CSMD1: variants seen among roughly 807,000 people sequenced by gnomAD.
The protein encoded by CSMD1 is CUB and sushi domain-containing protein 1.
In CSMD1, 213 loss-of-function variants were observed where a neutral mutation model predicts 417.5. The observed-to-expected ratio is 0.51, with a 90% confidence interval of 0.46 to 0.57. The LOEUF is 0.57. Among genes scored for constraint, CSMD1 ranks in the 20% least tolerant of loss-of-function variants. The pLI is 0.00. For missense variants in CSMD1, 6,923 were observed against 4,529.7 expected (o/e 1.53, Z -15.17); for synonymous variants, 2,862 against 1,736.8 (o/e 1.65, Z -16.11).
intron 1 of CSMD1, among the ~76,000 whole-genome samples, chr8:4,990,771 G>A (rs535986980): frequency 1.3e-5 from 2 of 152,086 alleles, no homozygotes; most frequent in African/African-American, 4.8e-5. Context: ...TGCCATAAAG[G>A]AGTCTGACCT....
chr8:4,542,009 T>C (rs1329421082), intron 2 of CSMD1, among the ~76,000 whole-genome samples: 1 of 152,174 alleles, frequency 6.6e-6, no homozygotes, highest in Non-Finnish European at 1.5e-5. Flanking sequence ...AGCCACACTC[T>C]GTTGCCAATT....
At chr8:3,866,564 G>A (rs1449400760) in intron 5 of CSMD1, among the ~76,000 whole-genome samples, 2 of 151,950 alleles carry the variant, frequency 1.3e-5, no homozygotes, top group African/African-American at 4.8e-5. Context: ...TTTTAGTTCT[G>A]GTGATGACAC....
chr8:4,680,418 T>G (rs1229156692), intron 1 of CSMD1, among the ~76,000 whole-genome samples: 1 of 152,180 alleles, frequency 6.6e-6, no homozygotes, highest in African/African-American at 2.4e-5. Flanking sequence ...TCCTTCACCC[T>G]TTGAAACTAC....
chr8:4,199,924 C>A (rs1484552270), intron 3 of CSMD1, among the ~76,000 whole-genome samples: 1 of 152,018 alleles, frequency 6.6e-6, no homozygotes, highest in East Asian at 1.9e-4. Flanking sequence ...TGGTGAAGTA[C>A]GGTTACAAGG....
chr8:4,313,597 G>T (rs550945069), intron 3 of CSMD1, among the ~76,000 whole-genome samples: 1 of 151,750 alleles, frequency 6.6e-6, no homozygotes, highest in African/African-American at 2.4e-5. Context: ...AACTGTCAAT[G>T]TGGACTGTCT....
At chr8:4,050,227 C>T (rs968965738) in intron 3 of CSMD1, among the ~76,000 whole-genome samples, 7 of 152,068 alleles carry the variant, frequency 4.6e-5, no homozygotes, top group African/African-American at 1.7e-4. Context: ...TTGTCAGTTT[C>T]TCCACTATAA....
intron 17 of CSMD1, among the ~76,000 whole-genome samples, chr8:3,393,838 G>A (rs1811498939): frequency 6.6e-6 from 1 of 151,336 alleles, no homozygotes; most frequent in South Asian, 2.1e-4. Context: ...GGGGCCTGTT[G>A]TGGGGTGTGG....
intron 5 of CSMD1, among the ~76,000 whole-genome samples, chr8:3,779,241 G>A (rs990182866): frequency 1.4e-4 from 21 of 151,952 alleles, no homozygotes; most frequent in Admixed American, 5.3e-4. Context: ...CTTCTAGAAG[G>A]TGAGGACTAG....
intron 3 of CSMD1, among the ~76,000 whole-genome samples, chr8:4,159,977 A>T (rs564956814): frequency 6.6e-6 from 1 of 152,242 alleles, no homozygotes; most frequent in South Asian, 2.1e-4. Context: ...AAGACTACCA[A>T]TTGGGTTCAA....
chr8:3,476,564 G>C (rs536760149), intron 11 of CSMD1, among the ~76,000 whole-genome samples: 2 of 151,998 alleles, frequency 1.3e-5, no homozygotes, highest in African/African-American at 4.8e-5. Context: ...CAATCTCAAA[G>C]GTTACACAGA....
intron 4 of CSMD1, among the ~76,000 whole-genome samples, chr8:4,002,153 C>T (rs563288579): frequency 1.3e-5 from 2 of 152,038 alleles, no homozygotes; most frequent in South Asian, 2.1e-4. Context: ...ATGCTTAAAT[C>T]ACAGAAAATC....
chr8:2,947,927 C>G (rs937389293), intron 68 of CSMD1, among the ~76,000 whole-genome samples: 8 of 144,506 alleles, frequency 5.5e-5, no homozygotes, highest in African/African-American at 2.1e-4. Context: ...GATTAATTAT[C>G]CTTTTTTTTT....
chr8:4,576,327 T>A (rs1327108294), intron 2 of CSMD1, among the ~76,000 whole-genome samples: 1 of 152,264 alleles, frequency 6.6e-6, no homozygotes, highest in Non-Finnish European at 1.5e-5. Context: ...TCTTTTCTCC[T>A]GGCTTCTCTC....
intron 1 of CSMD1, among the ~76,000 whole-genome samples, chr8:4,916,324 T>C (rs4076225): frequency 0.33 from 49,865 of 152,076 alleles, 9,469 homozygotes; most frequent in Non-Finnish European, 0.43. Flanking sequence ...TTGTTGACAA[T>C]GTTTATGGGC....
intron 1 of CSMD1, among the ~76,000 whole-genome samples, chr8:4,697,000 T>G (rs1164704251): frequency 6.6e-6 from 1 of 151,982 alleles, no homozygotes; most frequent in African/African-American, 2.4e-5. Context: ...GGTGAAACCC[T>G]GTCTCTACTA....
chr8:4,272,160 G>A (rs1301213448), intron 3 of CSMD1, among the ~76,000 whole-genome samples: 2 of 152,106 alleles, frequency 1.3e-5, no homozygotes, highest in Admixed American at 1.3e-4. Flanking sequence ...ATTAATCTCA[G>A]CATGCTGGTA....
At chr8:4,429,043 T>G (rs999003655) in intron 2 of CSMD1, among the ~76,000 whole-genome samples, 2 of 151,952 alleles carry the variant, frequency 1.3e-5, no homozygotes, top group Admixed American at 6.6e-5. Flanking sequence ...TAATAAGAGT[T>G]TTACATACTT....
chr8:3,956,309 C>G lies in CSMD1; in HGVS notation c.818+41594G>C, dbSNP rs547160414. ...ATCACATCAAAACTGTTATTATCCC[C>G]ATCTCAAGATGGGGAAACTGAATCA... On this transcript the variant is annotated intron_variant, in intron 5 of 69. Coordinates refer to ENST00000635120, the MANE Select transcript of CSMD1 (RefSeq NM_033225.6). Among the ~76,000 whole-genome samples the G allele has an allele frequency of 3.5e-4, 53 of 152,254 alleles. No homozygotes were observed. In the South Asian group the frequency reaches 0.01, roughly 30 times the overall value.
At chr8:4,054,683 G>A (rs1375082077) in intron 3 of CSMD1, among the ~76,000 whole-genome samples, 1 of 152,094 alleles carries the variant, frequency 6.6e-6, no homozygotes, top group Non-Finnish European at 1.5e-5. Context: ...GACATTAGCT[G>A]AATACATGTG....
Sources: allele counts gnomAD v4.1 joint callset (sites outside exome capture counted in the v4.1 genomes callset), GRCh38; gene constraint gnomAD v4.1.1; transcripts MANE v1.5; gene names NCBI Gene and HGNC (gene_info 2026-07-23, HGNC 2026-07-21).